Variants in TRPM3 observed in about 807,000 individuals in gnomAD.
TRPM3 encodes the protein long transient receptor potential channel 3.
A neutral mutation model predicts 181.2 loss-of-function variants in TRPM3; 77 were observed. The ratio of observed to expected loss-of-function variants is 0.42; its 90% CI spans 0.35 to 0.51. TRPM3 has a LOEUF of 0.51. Among genes scored for constraint, TRPM3 ranks in the 20% least tolerant of loss-of-function variants. The pLI is 0.01. For missense variants in TRPM3, 1,759 were observed against 2,196.7 expected, an observed-to-expected ratio of 0.80 and a Z score of 3.98; for synonymous variants, 745 against 796.4, an observed-to-expected ratio of 0.94 and a Z score of 1.09.
At chr9:70,870,185 A>G (rs1293669863) in intron 1 of TRPM3, among the ~76,000 whole-genome samples, 1 of 152,020 alleles carries the variant, frequency 6.6e-6, no homozygotes, top group African/African-American at 2.4e-5. Context: ...CAATAAGCAT[A>G]ATACTGGGAA....
intron 1 of TRPM3, among the ~76,000 whole-genome samples, chr9:70,996,271 C>T (rs2134180754): frequency 6.6e-6 from 1 of 152,226 alleles, no homozygotes; most frequent in African/African-American, 2.4e-5. Flanking sequence ...TCATTTTGCT[C>T]AGTTTATCTA....
chr9:70,529,124 G>A lies in TRPM3; in HGVS notation c.*6829C>T, dbSNP rs2040514796. The A allele has an allele frequency of 6.6e-6, 1 of 151,952 alleles. No homozygotes were observed. The highest frequency in any genetic ancestry group is 6.6e-5 in the Admixed American group (1 of 15,264). The allele number at this position is 151,952 out of a possible 1,614,324, so 9.4% of individuals were successfully genotyped here. A position where few individuals can be genotyped will look rare whatever the true frequency, so the allele number is the denominator to read the frequency against. On this transcript the variant is annotated 3_prime_UTR_variant, in exon 26 of 26. Coordinates refer to ENST00000677713, the MANE Select transcript of TRPM3 (RefSeq NM_001366145.2). ...ACATTTGTTACAGAAATTTCAGAAA[G>A]TTTTTCCCGTGGTATCTGCCAACTT...
At chr9:71,263,094 A>T (rs890511512) in intron 1 of TRPM3, among the ~76,000 whole-genome samples, 1 of 152,238 alleles carries the variant, frequency 6.6e-6, no homozygotes. Context: ...ATAACTAATG[A>T]TATCATAATT....
chr9:70,940,914 AT>A (rs1474647041), intron 1 of TRPM3, among the ~76,000 whole-genome samples: 4 of 152,238 alleles, frequency 2.6e-5, no homozygotes, highest in African/African-American at 9.6e-5. Flanking sequence ...CTGTTTTTAG[AT>A]GTATTTGCAG....
intron 1 of TRPM3, among the ~76,000 whole-genome samples, chr9:71,194,716 A>G (rs1339953665): frequency 1.3e-5 from 2 of 151,978 alleles, no homozygotes; most frequent in Admixed American, 6.6e-5. Context: ...CATACATTGG[A>G]AAATATGTTT....
intron 1 of TRPM3, among the ~76,000 whole-genome samples, chr9:71,148,464 T>C (rs2075555360): frequency 6.6e-6 from 1 of 152,196 alleles, no homozygotes; most frequent in Admixed American, 6.5e-5. Flanking sequence ...CTTTGTTTTC[T>C]GAGGTCTTAT....
intron 1 of TRPM3, among the ~76,000 whole-genome samples, chr9:71,198,004 G>C (rs2078506539): frequency 6.6e-6 from 1 of 151,086 alleles, no homozygotes; most frequent in Non-Finnish European, 1.5e-5. Context: ...TATGGTTTTA[G>C]GTCTAACGTC....
At chr9:71,126,570 C>T (rs1260942714), upstream of TRPM3, among the ~76,000 whole-genome samples, 1 of 152,122 alleles carries the variant, frequency 6.6e-6, no homozygotes, top group Non-Finnish European at 1.5e-5. Flanking sequence ...TATATGTTTT[C>T]AAACAGATTA....
intron 1 of TRPM3, among the ~76,000 whole-genome samples, chr9:71,354,818 C>G (rs1324817445): frequency 6.6e-6 from 1 of 152,140 alleles, no homozygotes; most frequent in African/African-American, 2.4e-5. Context: ...TATTTCTGCC[C>G]CTGTGCTTAC....
intron 1 of TRPM3, among the ~76,000 whole-genome samples, chr9:71,071,175 C>T (rs2062717048): frequency 6.6e-6 from 1 of 152,162 alleles, no homozygotes; most frequent in Non-Finnish European, 1.5e-5. Context: ...GTCACATGTA[C>T]ATTTCTGGGC....
intron 1 of TRPM3, among the ~76,000 whole-genome samples, chr9:71,212,587 A>T (rs1388869066): frequency 1.3e-5 from 2 of 152,178 alleles, no homozygotes; most frequent in Non-Finnish European, 2.9e-5. Flanking sequence ...AATGTATTTG[A>T]TTGCTGAACC....
chr9:70,617,106 A>G (rs1257873272), intron 17 of TRPM3, among the ~76,000 whole-genome samples: 2 of 152,204 alleles, frequency 1.3e-5, no homozygotes, highest in Admixed American at 1.3e-4. Flanking sequence ...CAGGGACGCC[A>G]AAGTAGTTCA....
chr9:71,295,381 C>T (rs1276637020), intron 1 of TRPM3, among the ~76,000 whole-genome samples: 2 of 144,108 alleles, frequency 1.4e-5, no homozygotes, highest in Non-Finnish European at 1.5e-5. Flanking sequence ...GAAAAAAATA[C>T]AAGTGATTAA....
intron 1 of TRPM3, among the ~76,000 whole-genome samples, chr9:71,096,247 CTG>C (rs1186727864): frequency 6.7e-6 from 1 of 148,534 alleles, no homozygotes; most frequent in Admixed American, 6.8e-5. Flanking sequence ...ACAGCATAGA[CTG>C]TGAGTCCCTC....
intron 1 of TRPM3, among the ~76,000 whole-genome samples, chr9:71,003,288 A>G (rs549273920): frequency 2.4e-4 from 36 of 151,194 alleles, no homozygotes; most frequent in Middle Eastern, 3.5e-3. Flanking sequence ...GCCTCTGTGT[A>G]TATGGCACTT....
At chr9:71,113,484 C>T (rs2071604611) in intron 1 of TRPM3, among the ~76,000 whole-genome samples, 1 of 152,186 alleles carries the variant, frequency 6.6e-6, no homozygotes, top group Non-Finnish European at 1.5e-5. Context: ...AGCAGTTAGA[C>T]TTAATGTGCT....
chr9:70,573,630 C>A lies in TRPM3; in HGVS notation c.3223+17401G>T, dbSNP rs111458028. ...GGCAAAAAACAAAAAACAAAAAAAC[C>A]AAAACAAAAACCTTGAATTTCCAAG... On this transcript the variant is annotated intron_variant, in intron 22 of 25. Coordinates refer to ENST00000677713, the MANE Select transcript of TRPM3 (RefSeq NM_001366145.2). Among the ~76,000 whole-genome samples, 919 of 151,762 alleles carry A rather than the reference C, an allele frequency of 6.1e-3. 13 individuals are homozygous for A. The highest frequency in any genetic ancestry group is 0.021 in the African/African-American group (876 of 41,378).
At chr9:70,643,474 A>G (rs2133632741) in intron 9 of TRPM3, among the ~76,000 whole-genome samples, 1 of 152,382 alleles carries the variant, frequency 6.6e-6, no homozygotes, top group Admixed American at 6.5e-5. Flanking sequence ...TAATTAGGCA[A>G]GTGTCAAATG....
chr9:70,894,247 G>A (rs1458842410), intron 1 of TRPM3, among the ~76,000 whole-genome samples: 2 of 152,108 alleles, frequency 1.3e-5, no homozygotes, highest in African/African-American at 4.8e-5. Context: ...AACATTATAT[G>A]AACAAACAAA....
Sources: gnomAD v4.1 joint callset for allele counts (sites outside exome capture counted in the v4.1 genomes callset) on GRCh38, gnomAD v4.1.1 for gene constraint, MANE v1.5 for transcripts, NCBI Gene and HGNC (gene_info 2026-07-23, HGNC 2026-07-21) for gene names.